The following SMYD3 variants were observed in gnomAD, a reference collection of about 807,000 sequenced individuals.
SMYD3 encodes the protein histone-lysine N-methyltransferase SMYD3.
A neutral mutation model predicts 57.7 loss-of-function variants in SMYD3; 36 were observed. That is an observed-to-expected ratio of 0.62 (90% CI 0.48 to 0.82). The LOEUF (loss-of-function observed/expected upper bound fraction) is 0.82. SMYD3 is among the 40% of genes least tolerant of loss of function. SMYD3 has a pLI of 0.00. For missense variants in SMYD3, 515 were observed against 538.8 expected (o/e 0.96, Z 0.44); for synonymous variants, 211 against 195.0 (o/e 1.08, Z -0.68).
chr1:246,294,894 C>T (rs576328912), intron 5 of SMYD3, among the ~76,000 whole-genome samples: 13 of 152,232 alleles, frequency 8.5e-5, no homozygotes, highest in Admixed American at 7.2e-4. Context: ...CCATCGTGCC[C>T]GACCCAATTA....
At chr1:245,774,933 C>T (rs892896023) in intron 10 of SMYD3, among the ~76,000 whole-genome samples, 8 of 152,276 alleles carry the variant, frequency 5.3e-5, no homozygotes, top group African/African-American at 1.9e-4. Context: ...CAGCTCCTAA[C>T]CGCGAGTGAT....
chr1:245,963,030 CA>C (rs1425439718), intron 5 of SMYD3, among the ~76,000 whole-genome samples: 1 of 152,064 alleles, frequency 6.6e-6, no homozygotes, highest in Non-Finnish European at 1.5e-5. Flanking sequence ...TAAAAATGTT[CA>C]AAGTCCTGTT....
intron 5 of SMYD3, among the ~76,000 whole-genome samples, chr1:246,296,832 T>C (rs371490568): frequency 1.3e-5 from 2 of 152,240 alleles, no homozygotes; most frequent in Admixed American, 6.5e-5. Context: ...GAATCATTTA[T>C]GTATTATTGT....
intron 1 of SMYD3, among the ~76,000 whole-genome samples, chr1:246,364,222 CAA>C (rs11361203): frequency 2.1e-3 from 252 of 119,566 alleles, no homozygotes; most frequent in Middle Eastern, 4.0e-3. Flanking sequence ...GGTTGTAAGC[CAA>C]AAAAAAAAAA....
rs761344778 is a variant in SMYD3 at position 245,863,881 on chromosome 1, A to G, written c.819T>C (p.Ala273=). ...CTTGCTCATCACCAGTTAGCATATCAGCATCCTGCTCAGGCCAGAAAAGGA... is the reference window on the plus strand; with the variant it reads ...CTTGCTCATCACCAGTTAGCATATCGGCATCCTGCTCAGGCCAGAAAAGGA... ...CFRCQTQDKD[A]DMLTGDEQVW... is the part of the protein sequence containing the mutation. Residue 273 remains alanine (A), a synonymous_variant, in exon 9 of 12, where the codon GCT becomes GCC. Transcript: ENST00000490107. 1.2e-6 allele frequency: 2 copies of G among 1,614,122 alleles called. No individual in the cohort carries two copies. Among genetic ancestry groups the G allele is most frequent in the Admixed American group, 1.7e-5 (1 of 60,028 alleles).
At chr1:246,064,954 T>C (rs945234625) in intron 5 of SMYD3, among the ~76,000 whole-genome samples, 1 of 152,260 alleles carries the variant, frequency 6.6e-6, no homozygotes, top group African/African-American at 2.4e-5. Flanking sequence ...GGTTTCGACT[T>C]ACCTTCCCCA....
intron 10 of SMYD3, among the ~76,000 whole-genome samples, chr1:245,849,570 T>C (rs914739499): frequency 3.3e-5 from 5 of 152,202 alleles, no homozygotes; most frequent in Admixed American, 2.0e-4. Flanking sequence ...CTCTCTAAGG[T>C]GGTAATAGTG....
chr1:246,207,732 G>T (rs182689279), intron 5 of SMYD3, among the ~76,000 whole-genome samples: 2 of 152,242 alleles, frequency 1.3e-5, no homozygotes, highest in Admixed American at 6.5e-5. Flanking sequence ...ATTCTAAGTG[G>T]AAGGAAGAAA....
At chr1:246,205,515 G>T (rs1384940343) in intron 5 of SMYD3, among the ~76,000 whole-genome samples, 1 of 152,144 alleles carries the variant, frequency 6.6e-6, no homozygotes, top group Non-Finnish European at 1.5e-5. Flanking sequence ...AATTAGACAG[G>T]ACTAGATTAA....
At chr1:245,947,864 C>T (rs1484807510) in intron 5 of SMYD3, among the ~76,000 whole-genome samples, 1 of 152,142 alleles carries the variant, frequency 6.6e-6, no homozygotes, top group Non-Finnish European at 1.5e-5. Flanking sequence ...AGTATCACTA[C>T]ATATACCTCT....
intron 5 of SMYD3, among the ~76,000 whole-genome samples, chr1:245,948,568 T>C (rs2057504116): frequency 6.6e-6 from 1 of 152,108 alleles, no homozygotes; most frequent in South Asian, 2.1e-4. Flanking sequence ...CCCCACATAC[T>C]GCTCGAGTCC....
chr1:246,213,208 T>C (rs115236619), intron 5 of SMYD3, among the ~76,000 whole-genome samples: 1,545 of 152,300 alleles, frequency 0.01, 12 homozygotes, highest in Non-Finnish European at 0.015. Context: ...TTTTTGTCAG[T>C]TACCTGTGAC....
intron 10 of SMYD3, among the ~76,000 whole-genome samples, chr1:245,796,774 T>G (rs988058066): frequency 6.6e-6 from 1 of 152,240 alleles, no homozygotes; most frequent in Non-Finnish European, 1.5e-5. Flanking sequence ...GCATCTGCAG[T>G]TAGCTCTTTT....
intron 2 of SMYD3, among the ~76,000 whole-genome samples, chr1:246,338,244 TTACCA>T (rs1304112818): frequency 6.6e-6 from 1 of 152,222 alleles, no homozygotes; most frequent in Non-Finnish European, 1.5e-5. Flanking sequence ...CTATCACATC[TTACCA>T]TAAGGGTTAC....
intron 5 of SMYD3, among the ~76,000 whole-genome samples, chr1:246,254,652 C>G (rs2063851647): frequency 6.6e-6 from 1 of 151,976 alleles, no homozygotes; most frequent in Non-Finnish European, 1.5e-5. Flanking sequence ...TTTTAGCATA[C>G]TTCCAATTCT....
intron 5 of SMYD3, among the ~76,000 whole-genome samples, chr1:246,194,195 G>A (rs910221347): frequency 2.0e-5 from 3 of 151,050 alleles, no homozygotes; most frequent in Non-Finnish European, 4.4e-5. Context: ...TATCAAGGGG[G>A]TCTACACACT....
chr1:246,353,538 C>T (rs528538160), intron 2 of SMYD3, among the ~76,000 whole-genome samples: 1 of 152,068 alleles, frequency 6.6e-6, no homozygotes, highest in Non-Finnish European at 1.5e-5. Flanking sequence ...AAATAAAAAC[C>T]CAAAAGCCAA....
chr1:246,295,791 G>A (rs542636345), intron 5 of SMYD3, among the ~76,000 whole-genome samples: 1 of 152,156 alleles, frequency 6.6e-6, no homozygotes. Flanking sequence ...ATATGATCTG[G>A]AAATCTGAAT....
At chr1:246,180,284 C>G (rs2062517593) in intron 5 of SMYD3, among the ~76,000 whole-genome samples, 1 of 144,070 alleles carries the variant, frequency 6.9e-6, no homozygotes, top group Non-Finnish European at 1.5e-5. Flanking sequence ...TATATATAAA[C>G]TACTTATATA....
Sources: allele counts gnomAD v4.1 joint callset (sites outside exome capture counted in the v4.1 genomes callset), GRCh38; gene constraint gnomAD v4.1.1; transcripts MANE v1.5; gene names NCBI Gene and HGNC (gene_info 2026-07-23, HGNC 2026-07-21).